Variants in EPS15 observed in about 807,000 individuals in gnomAD.
The protein encoded by EPS15 is epidermal growth factor receptor pathway substrate 15.
In EPS15, 72 loss-of-function variants were observed where a neutral mutation model predicts 113.8. The observed-to-expected ratio is 0.63, with a 90% CI of 0.52 to 0.77. The LOEUF is 0.77. Ranked by LOEUF, EPS15 falls within the 30% of genes least tolerant of loss-of-function variation. The pLI is 0.00. For synonymous variants in EPS15, 344 were observed against 363.4 expected, an observed-to-expected ratio of 0.95 and a Z score of 0.61; for missense variants, 1,048 against 1,045.8, an observed-to-expected ratio of 1.00 and a Z score of -0.03.
intron 1 of EPS15, among the ~76,000 whole-genome samples, chr1:51,501,723 C>A (rs962357497): frequency 9.4e-4 from 143 of 152,200 alleles, no homozygotes; most frequent in Non-Finnish European, 1.0e-4. Flanking sequence ...AGGTGATCCA[C>A]CCTCCTCGGC....
chr1:51,355,970 T>C lies in EPS15; in HGVS notation c.*730A>G, dbSNP rs1646209565. The stretch of plus-strand genomic sequence containing the variant: ...ACAAACTTTATTTGTAAGAAACTGA[T>C]TTTTATTAATTAGCAAACACACTGA... On this transcript the variant is annotated 3_prime_UTR_variant, in exon 25 of 25. Coordinates refer to ENST00000371733, the MANE Select transcript of EPS15 (RefSeq NM_001981.3). 5.2e-6 allele frequency: 1 copy of C among 191,080 alleles called. No homozygotes were observed. The highest frequency in any genetic ancestry group is 1.1e-5 in the Non-Finnish European group (1 of 91,332). 11.8% of individuals were successfully genotyped at this position (191,080 alleles called of 1,614,324 possible). A position where few individuals can be genotyped will look rare whatever the true frequency, so the allele number is the denominator to read the frequency against.
rs893802360 is a variant in EPS15, at chr1:51,501,590, T to C, written c.33+17609A>G. On this transcript the variant is annotated intron_variant, in intron 1 of 24. Coordinates refer to ENST00000371733, the MANE Select transcript of EPS15 (RefSeq NM_001981.3). ...GCCTCCCGGGTTCAAGCGATTCTCC[T>C]GCCTCAGCCTCATGAGTAGCTGGGA... 2.0e-4 allele frequency among the ~76,000 whole-genome samples: 31 copies of C among 151,756 alleles called. 1 individual carries two copies. Among genetic ancestry groups the C allele is most frequent in the African/African-American group, 7.5e-4 (31 of 41,416 alleles).
chr1:51,432,674 A>C (rs1651834878), intron 12 of EPS15, among the ~76,000 whole-genome samples: 1 of 152,170 alleles, frequency 6.6e-6, no homozygotes, highest in African/African-American at 2.4e-5. Flanking sequence ...TCAAGTGCTC[A>C]ATCACCACAC....
chr1:51,423,157 T>G (rs954370986), intron 12 of EPS15: 3 of 1,260,712 alleles, frequency 2.4e-6, no homozygotes, highest in Non-Finnish European at 3.1e-6. Context: ...AATAAAGCTA[T>G]TTGTACACTG....
intron 10 of EPS15, 68 bp from the exon 11 acceptor site, chr1:51,445,113 C>CTGTAAA (rs1652911242): frequency 1.4e-6 from 2 of 1,389,802 alleles, no homozygotes; most frequent in Non-Finnish European, 2.0e-6. Context: ...GAAAAAGTAC[C>CTGTAAA]ACTATGCAGC....
intron 21 of EPS15, among the ~76,000 whole-genome samples, chr1:51,379,636 G>A (rs1318044229): frequency 1.3e-5 from 2 of 152,146 alleles, no homozygotes; most frequent in African/African-American, 4.8e-5. Flanking sequence ...TGCTAAAGGG[G>A]CTGGGAGCAG....
chr1:51,390,874 C>A (rs1261057571), intron 21 of EPS15, among the ~76,000 whole-genome samples: 7 of 152,132 alleles, frequency 4.6e-5, no homozygotes, highest in South Asian at 2.1e-4. Context: ...GTGGGACTGT[C>A]AACTAGTTCA....
At chr1:51,430,567 CAAA>C (rs1284100143) in intron 12 of EPS15, among the ~76,000 whole-genome samples, 4 of 91,784 alleles carry the variant, frequency 4.4e-5, no homozygotes, top group African/African-American at 4.0e-5. Flanking sequence ...GACTTCGTCT[CAAA>C]AAAAAAAAAA....
intron 21 of EPS15, among the ~76,000 whole-genome samples, chr1:51,388,201 A>T (rs1647144316): frequency 1.3e-5 from 2 of 152,244 alleles, no homozygotes; most frequent in South Asian, 4.1e-4. Context: ...GAAACTGAAC[A>T]ACCTGCTCCT....
intron 1 of EPS15, among the ~76,000 whole-genome samples, chr1:51,497,971 G>A (rs1159369106): frequency 8.6e-5 from 12 of 139,286 alleles, no homozygotes; most frequent in East Asian, 8.2e-4. Flanking sequence ...GCAAGACCCC[G>A]TCTCAAAAAA....
chr1:51,468,428 CT>C lies in EPS15; in HGVS notation c.309+44del, dbSNP rs755163304. The C allele has an allele frequency of 3.7e-6, 5 of 1,333,628 alleles. No individual in the cohort carries two copies. In the South Asian group the frequency reaches 5.9e-5, roughly 16 times the overall value. The allele number at this position is 1,333,628 out of a possible 1,614,324, so 82.6% of individuals were successfully genotyped here. ...TTAATTTTCAAATAACGTGGTGTCA[CT>C]TTTTAAAAATTAAATACAATTTAAA... On this transcript the variant is annotated intron_variant, in intron 5 of 24. Transcript: ENST00000371733.
chr1:51,445,629 CTT>C (rs894773975), intron 10 of EPS15, among the ~76,000 whole-genome samples: 28 of 150,756 alleles, frequency 1.9e-4, no homozygotes, highest in African/African-American at 6.8e-4. Context: ...ACTCTACTTT[CTT>C]TTTCTGTAAT....
intron 21 of EPS15, chr1:51,372,626 T>C: frequency 2.1e-6 from 1 of 478,976 alleles, no homozygotes; most frequent in Non-Finnish European, 4.1e-6. Flanking sequence ...AGTATTGGTA[T>C]TACTGACTGA....
At chr1:51,498,854 A>T (rs1358600221) in intron 1 of EPS15, among the ~76,000 whole-genome samples, 1 of 152,176 alleles carries the variant, frequency 6.6e-6, no homozygotes, top group Non-Finnish European at 1.5e-5. Flanking sequence ...TTCATGTTGA[A>T]ACTTAATCTC....
chr1:51,422,093 A>C, intron 12 of EPS15: 1 of 1,163,856 alleles, frequency 8.6e-7, no homozygotes, highest in Non-Finnish European at 1.1e-6. Flanking sequence ...AAGAGGATAG[A>C]TTAAAAAAGG....
chr1:51,358,956 G>A (rs1187655938), intron 24 of EPS15, among the ~76,000 whole-genome samples: 4 of 151,610 alleles, frequency 2.6e-5, no homozygotes, highest in African/African-American at 7.3e-5. Context: ...CGCCCGCTTC[G>A]GCCTTCCAAA....
intron 1 of EPS15, among the ~76,000 whole-genome samples, chr1:51,481,676 C>T (rs1644022736): frequency 6.6e-6 from 1 of 152,172 alleles, no homozygotes; most frequent in African/African-American, 2.4e-5. Context: ...TCATCCTCTA[C>T]CCAAGTACCC....
At chr1:51,509,845 T>C (rs965150236) in intron 1 of EPS15, among the ~76,000 whole-genome samples, 2 of 152,206 alleles carry the variant, frequency 1.3e-5, no homozygotes, top group Admixed American at 1.3e-4. Flanking sequence ...CTACAACATA[T>C]GTTCAGCTAT....
chr1:51,392,807 G>T (rs1647516987), intron 21 of EPS15, among the ~76,000 whole-genome samples: 1 of 152,104 alleles, frequency 6.6e-6, no homozygotes, highest in African/African-American at 2.4e-5. Context: ...AATCTCTGCT[G>T]GTTTAATTAA....
Sources: allele counts gnomAD v4.1 joint callset (sites outside exome capture counted in the v4.1 genomes callset), GRCh38; gene constraint gnomAD v4.1.1; transcripts MANE v1.5; gene names NCBI Gene and HGNC (gene_info 2026-07-23, HGNC 2026-07-21).